Variants in CPA6 observed in about 807,000 individuals in gnomAD.
The protein encoded by CPA6 is carboxypeptidase A6.
A neutral mutation model predicts 63.3 loss-of-function variants in CPA6; 58 were observed. The observed-to-expected ratio is 0.92, with a 90% CI of 0.74 to 1.14. The LOEUF (loss-of-function observed/expected upper bound fraction) is 1.14, where lower values mean the gene tolerates loss of function less well. Ranked by LOEUF, CPA6 falls within the 50% of genes most tolerant of loss-of-function variation. CPA6 has a pLI of 0.00. For missense variants in CPA6, 565 were observed against 526.6 expected (o/e 1.07, Z -0.71); for synonymous variants, 185 against 179.0 (o/e 1.03, Z -0.27).
intron 2 of CPA6, among the ~76,000 whole-genome samples, chr8:67,581,707 A>G (rs535776038): frequency 6.6e-6 from 1 of 152,326 alleles, no homozygotes; most frequent in South Asian, 2.1e-4. Context: ...CTGTCCCCCA[A>G]CTCATGTGAG....
chr8:67,715,246 C>T (rs79065355), intron 1 of CPA6, among the ~76,000 whole-genome samples: 242 of 152,312 alleles, frequency 1.6e-3, no homozygotes, highest in African/African-American at 5.6e-3. Flanking sequence ...GCCTCTACTT[C>T]CAATGCCAAT....
chr8:67,439,582 T>A, intron 8 of CPA6, among the ~76,000 whole-genome samples: 1 of 135,394 alleles, frequency 7.4e-6, no homozygotes, highest in Admixed American at 7.6e-5. Context: ...AGAGCAAGAC[T>A]CGGTCTCAAA....
intron 2 of CPA6, among the ~76,000 whole-genome samples, chr8:67,575,069 C>T (rs1274671803): frequency 6.6e-6 from 1 of 151,846 alleles, no homozygotes; most frequent in African/African-American, 2.4e-5. Flanking sequence ...TAAAAATGGG[C>T]AAAGAATCTG....
intron 2 of CPA6, among the ~76,000 whole-genome samples, chr8:67,581,063 A>G (rs776550382): frequency 2.4e-4 from 36 of 152,156 alleles, no homozygotes; most frequent in African/African-American, 3.6e-4. Context: ...GGTAGGGGAT[A>G]TCCATGTTGA....
chr8:67,527,522 G>A (rs1339217733), intron 2 of CPA6, among the ~76,000 whole-genome samples: 1 of 152,072 alleles, frequency 6.6e-6, no homozygotes, highest in Non-Finnish European at 1.5e-5. Flanking sequence ...ACAAATAAAG[G>A]GGTTGAACTG....
At chr8:67,567,733 G>A (rs962755403) in intron 2 of CPA6, among the ~76,000 whole-genome samples, 1 of 152,208 alleles carries the variant, frequency 6.6e-6, no homozygotes, top group Admixed American at 6.5e-5. Context: ...TCACCCCTCT[G>A]CCTTCCGTAA....
chr8:67,548,419 T>C (rs1005133069), intron 2 of CPA6, among the ~76,000 whole-genome samples: 27 of 150,548 alleles, frequency 1.8e-4, no homozygotes, highest in African/African-American at 6.5e-4. Context: ...GCCTGGCTAA[T>C]ATTTTTTTTG....
At chr8:67,492,967 G>C (rs918942338) in intron 6 of CPA6, among the ~76,000 whole-genome samples, 3 of 152,148 alleles carry the variant, frequency 2.0e-5, no homozygotes, top group African/African-American at 7.2e-5. Flanking sequence ...GGAACTAACG[G>C]TACTGAAGGC....
intron 2 of CPA6, among the ~76,000 whole-genome samples, chr8:67,526,496 T>C (rs757158632): frequency 1.3e-5 from 2 of 152,184 alleles, no homozygotes; most frequent in Non-Finnish European, 2.9e-5. Context: ...CAGAGGAACA[T>C]TATAGTCTTG....
In CPA6 at chr8:67,500,225, A is replaced by G. The variant is rs181258254; in HGVS notation, c.636+6562T>C. 1.8e-4 allele frequency among the ~76,000 whole-genome samples: 27 copies of G among 151,764 alleles called. No homozygotes were observed. The East Asian group carries it at 5.2e-3, about 29-fold the overall frequency. On this transcript the variant is annotated intron_variant, in intron 6 of 10. Coordinates refer to ENST00000297770, the MANE Select transcript of CPA6 (RefSeq NM_020361.5). ...TACATCTATAGATATAAATCTATCT[A>G]TCTGATTATTTTTAGCCACTCAGAT...
At chr8:67,607,157 TTCTTCTTCTTCC>T (rs1814668038) in intron 2 of CPA6, among the ~76,000 whole-genome samples, 2 of 65,426 alleles carry the variant, frequency 3.1e-5, no homozygotes, top group Non-Finnish European at 5.5e-5. Context: ...CCCCCTCCTC[TTCTTCTTCTTCC>T]TCTTCTTCTT....
intron 2 of CPA6, among the ~76,000 whole-genome samples, chr8:67,589,876 TTTATTA>T (rs754237347): frequency 1.3e-3 from 189 of 150,860 alleles, no homozygotes; most frequent in African/African-American, 4.1e-3. Flanking sequence ...TAGTGTTGTT[TTTATTA>T]TTATTATTAT....
intron 8 of CPA6, among the ~76,000 whole-genome samples, chr8:67,461,215 G>A (rs1466403639): frequency 9.2e-5 from 13 of 141,906 alleles, no homozygotes; most frequent in Non-Finnish European, 1.8e-4. Context: ...GCGGCCTTCC[G>A]CAGTGTTTGT....
At chr8:67,677,938 AC>A (rs755680193) in intron 1 of CPA6, among the ~76,000 whole-genome samples, 2 of 152,064 alleles carry the variant, frequency 1.3e-5, no homozygotes, top group South Asian at 2.1e-4. Flanking sequence ...AAAAAAAACA[AC>A]AAAAAAGCTA....
intron 2 of CPA6, among the ~76,000 whole-genome samples, chr8:67,575,301 T>C (rs948474501): frequency 3.3e-5 from 5 of 152,228 alleles, no homozygotes; most frequent in African/African-American, 1.2e-4. Flanking sequence ...TGTAAATTAG[T>C]ACAGCCATTA....
chr8:67,443,656 TTTCTC>T (rs1346406188), intron 8 of CPA6, among the ~76,000 whole-genome samples: 59 of 152,222 alleles, frequency 3.9e-4, no homozygotes, highest in Non-Finnish European at 8.8e-5. Context: ...TCAATTCACA[TTTCTC>T]TTCCCCTCAG....
chr8:67,630,520 T>G (rs1263011292), intron 1 of CPA6, among the ~76,000 whole-genome samples: 2 of 152,244 alleles, frequency 1.3e-5, no homozygotes, highest in African/African-American at 2.4e-5. Flanking sequence ...CTGTACCACC[T>G]TTTAAAGAAA....
At chr8:67,511,500 G>T in intron 4 of CPA6, 41 bp downstream of exon 4, 1 of 1,088,282 alleles carries the variant, frequency 9.2e-7, no homozygotes, top group South Asian at 1.3e-5. Flanking sequence ...TGATAAAGAT[G>T]ACTCTGTGAA....
intron 8 of CPA6, among the ~76,000 whole-genome samples, chr8:67,472,881 A>G: frequency 6.6e-6 from 1 of 152,256 alleles, no homozygotes; most frequent in Non-Finnish European, 1.5e-5. Context: ...TAATCAGAGA[A>G]ATAAAACAAC....
Sources: allele counts gnomAD v4.1 joint callset (sites outside exome capture counted in the v4.1 genomes callset), GRCh38; gene constraint gnomAD v4.1.1; transcripts MANE v1.5; gene names NCBI Gene and HGNC (gene_info 2026-07-23, HGNC 2026-07-21).